FAAH2: variants seen among roughly 807,000 people sequenced by gnomAD.
FAAH2 encodes the protein fatty acid amide hydrolase 2, also known as fatty-acid amide hydrolase 2.
Under a neutral mutation model 36.9 loss-of-function variants are expected in FAAH2, and 60 were observed. That is an observed-to-expected ratio of 1.63 (90% CI 1.32 to 2.02). The LOEUF (loss-of-function observed/expected upper bound fraction) is 2.02. Among genes scored for constraint, FAAH2 ranks in the 30% most tolerant of loss-of-function variants. The pLI is 0.00. For synonymous variants in FAAH2, 214 were observed against 143.8 expected (o/e 1.49, Z -3.49); for missense variants, 689 against 397.5 (o/e 1.73, Z -6.23).
At chrX:57,351,377 CA>C (rs939832211) in intron 5 of FAAH2, among the ~76,000 whole-genome samples, 10 of 110,053 alleles carry the variant, frequency 9.1e-5, no homozygotes, top group Non-Finnish European at 1.7e-4. Context: ...GGCTTACGTC[CA>C]AAAAAAGTAC....
chrX:57,131,528 T>C, the FAAH2 span, among the ~76,000 whole-genome samples: 2 of 112,040 alleles, frequency 1.8e-5, no homozygotes, highest in Non-Finnish European at 3.8e-5. Context: ...AAGCCCCCTA[T>C]CTAGCCATGT....
chrX:57,179,130 C>T, the FAAH2 span, among the ~76,000 whole-genome samples: 10 of 111,376 alleles, frequency 9.0e-5, no homozygotes, highest in Non-Finnish European at 1.7e-4. Flanking sequence ...AGGAGCTTTC[C>T]TATAAAAAGG....
the FAAH2 span, among the ~76,000 whole-genome samples, chrX:57,198,895 GTA>G: frequency 8.9e-6 from 1 of 112,224 alleles, no homozygotes; most frequent in African/African-American, 3.2e-5. Flanking sequence ...GTGAGAATTT[GTA>G]TTTGGAGGCA....
At chrX:57,188,184 C>T in the FAAH2 span, among the ~76,000 whole-genome samples, 1 of 111,227 alleles carries the variant, frequency 9.0e-6, no homozygotes, top group African/African-American at 3.3e-5. Flanking sequence ...TTGAATCTGT[C>T]TGGTCCTGGG....
chrX:57,411,203 C>A (rs1011619915), intron 7 of FAAH2, among the ~76,000 whole-genome samples: 2 of 111,835 alleles, frequency 1.8e-5, no homozygotes, highest in African/African-American at 6.5e-5. Context: ...TATTGTTTAC[C>A]TTCTCTCTAT....
chrX:57,452,666 T>A (rs975880169), intron 10 of FAAH2, among the ~76,000 whole-genome samples: 3 of 112,122 alleles, frequency 2.7e-5, no homozygotes, highest in African/African-American at 6.5e-5. Flanking sequence ...TAATTAAAAA[T>A]ATAAATAAGA....
chrX:57,467,556 G>T (rs963106000), intron 10 of FAAH2, among the ~76,000 whole-genome samples: 5 of 111,692 alleles, frequency 4.5e-5, no homozygotes, highest in African/African-American at 1.6e-4. Context: ...CTGGAGGAGA[G>T]GTGCACAACA....
chrX:57,417,636 C>A (rs193260821), intron 7 of FAAH2, among the ~76,000 whole-genome samples: 2 of 111,506 alleles, frequency 1.8e-5, no homozygotes. Context: ...CAGATGCCAG[C>A]CACATGTGTC....
At chrX:57,453,100 T>TAAGA (rs1004262056) in intron 10 of FAAH2, among the ~76,000 whole-genome samples, 8 of 111,761 alleles carry the variant, frequency 7.2e-5, no homozygotes, top group Non-Finnish European at 1.5e-4. Context: ...TGGCTGGTCA[T>TAAGA]AAGAACTTGC....
chrX:57,299,697 C>G (rs776361166), intron 2 of FAAH2, among the ~76,000 whole-genome samples: 1 of 111,416 alleles, frequency 9.0e-6, no homozygotes, highest in African/African-American at 3.3e-5. Context: ...GATTGTATAT[C>G]TAGAAAACCC....
the FAAH2 span, among the ~76,000 whole-genome samples, chrX:57,273,830 C>T: frequency 9.0e-5 from 10 of 111,173 alleles, no homozygotes; most frequent in African/African-American, 2.9e-4. Context: ...AATTGATGCC[C>T]TAACATCAAA....
At chrX:57,442,184 G>A (rs2056573352) in intron 8 of FAAH2, among the ~76,000 whole-genome samples, 1 of 110,863 alleles carries the variant, frequency 9.0e-6, no homozygotes. Flanking sequence ...CTGTCTCACT[G>A]ATCTGTCTAA....
intron 3 of FAAH2, among the ~76,000 whole-genome samples, chrX:57,319,840 A>G (rs1325138916): frequency 8.9e-6 from 1 of 111,946 alleles, no homozygotes; most frequent in East Asian, 2.8e-4. Context: ...CCAATGGAAC[A>G]GAACAGAGGC....
At chrX:57,480,678 T>C (rs189893058) in intron 10 of FAAH2, among the ~76,000 whole-genome samples, 1 of 111,769 alleles carries the variant, frequency 8.9e-6, no homozygotes, top group East Asian at 2.8e-4. Context: ...CATTTTTTCC[T>C]TCATTTCAAT....
At chrX:57,473,318 C>T (rs1400034786) in intron 10 of FAAH2, among the ~76,000 whole-genome samples, 2 of 110,871 alleles carry the variant, frequency 1.8e-5, no homozygotes, top group African/African-American at 6.6e-5. Context: ...GTTTAGTTTC[C>T]ATGTATTAGC....
chrX:57,216,501 T>C, the FAAH2 span, among the ~76,000 whole-genome samples: 73 of 64,660 alleles, frequency 1.1e-3, no homozygotes, highest in African/African-American at 1.7e-3. Flanking sequence ...TATACGTATA[T>C]GTATATATAT....
intron 2 of FAAH2, among the ~76,000 whole-genome samples, chrX:57,293,093 T>C (rs2052033243): frequency 9.0e-6 from 1 of 111,636 alleles, no homozygotes; most frequent in African/African-American, 3.3e-5. Context: ...TAATATTCTG[T>C]TTAATGGGTA....
the FAAH2 span, among the ~76,000 whole-genome samples, chrX:57,227,025 A>G: frequency 1.7e-4 from 19 of 110,277 alleles, no homozygotes; most frequent in African/African-American, 5.6e-4. Flanking sequence ...TCTTTAAGCT[A>G]TCTATTTCAT....
chrX:57,287,000 C>A lies in FAAH2; in HGVS notation c.175C>A (p.Leu59Met). Residue 59 changes from leucine to methionine, a missense_variant, in exon 1 of 11, where the codon CTG becomes ATG. Leu to Met is a conservative substitution (Grantham distance 15, BLOSUM62 2). Transcript: ENST00000374900. Reference sequence around the variant, plus strand: ...GCTTTCGGGGATGCAGCTGGCCAAGCTGATCCGACAGAGAAAGGTGAGAAT... The same window carrying A: ...GCTTTCGGGGATGCAGCTGGCCAAGATGATCCGACAGAGAAAGGTGAGAAT... ...LLLSGMQLAK[L>M]IRQRKVKCID... 8.4e-7 allele frequency: 1 copy of A among 1,191,809 alleles called. No homozygotes were observed. Among genetic ancestry groups the A allele is most frequent in the Non-Finnish European group, 1.1e-6 (1 of 884,753 alleles).
Sources: gnomAD v4.1 joint callset for allele counts (sites outside exome capture counted in the v4.1 genomes callset) on GRCh38, gnomAD v4.1.1 for gene constraint, MANE v1.5 for transcripts, NCBI Gene and HGNC (gene_info 2026-07-23, HGNC 2026-07-21) for gene names.